The following QNG1 variants were observed in gnomAD, a reference collection of about 807,000 sequenced individuals.
The protein encoded by QNG1 is Q-nucleotide N-glycosylase 1, also known as queuosine 5'-phosphate N-glycosylase/hydrolase.
chr9:83,955,343 G>T, the QNG1 span: 1 of 1,598,778 alleles, frequency 6.3e-7, no homozygotes, highest in Non-Finnish European at 8.5e-7. Flanking sequence ...ACTCTGAGAT[G>T]ATTAAGACTT....
the QNG1 span, among the ~76,000 whole-genome samples, chr9:83,952,422 G>A: frequency 6.6e-6 from 1 of 152,064 alleles, no homozygotes; most frequent in African/African-American, 2.4e-5. Flanking sequence ...AGAACTTTGG[G>A]AGGCCAAGGT....
At chr9:83,951,341 AC>A in the QNG1 span, among the ~76,000 whole-genome samples, 1 of 152,210 alleles carries the variant, frequency 6.6e-6, no homozygotes, top group African/African-American at 2.4e-5. Context: ...CGGGTGGATC[AC>A]CTGAGGTCAG....
chr9:83,954,944 T>A, the QNG1 span, among the ~76,000 whole-genome samples: 1 of 134,158 alleles, frequency 7.5e-6, no homozygotes, highest in African/African-American at 2.8e-5. Context: ...ACGCCTGTAA[T>A]CACAACACTT....
At chr9:83,956,748 A>G in the QNG1 span, 1 of 409,158 alleles carries the variant, frequency 2.4e-6, no homozygotes, top group Non-Finnish European at 4.3e-6. Context: ...CTTCCGGGAA[A>G]GCGGTCCCGT....
chr9:83,956,451 T>C, the QNG1 span: 78 of 1,540,502 alleles, frequency 5.1e-5, no homozygotes, highest in African/African-American at 8.3e-4. Flanking sequence ...ATCCCGACTG[T>C]TTTCTGCAAT....
At chr9:83,950,996 GGTAGCTCATGCCT>G in the QNG1 span, among the ~76,000 whole-genome samples, 1 of 152,174 alleles carries the variant, frequency 6.6e-6, no homozygotes, top group South Asian at 2.1e-4. Context: ...GGCCAAGTGC[GGTAGCTCATGCCT>G]GTAATCCCAG....
At chr9:83,941,495 A>G in the QNG1 span, among the ~76,000 whole-genome samples, 1 of 151,248 alleles carries the variant, frequency 6.6e-6, no homozygotes, top group East Asian at 2.0e-4. Flanking sequence ...TGGGGCTGAG[A>G]AGGGAGGATC....
chr9:83,956,132 C>CCGTTA, the QNG1 span: 1 of 1,600,570 alleles, frequency 6.2e-7, no homozygotes, highest in Non-Finnish European at 8.5e-7. Flanking sequence ...ACCTCAAAGG[C>CCGTTA]CGTTAGGTCC....
the QNG1 span, chr9:83,956,246 G>A: frequency 6.2e-7 from 1 of 1,614,044 alleles, no homozygotes; most frequent in Non-Finnish European, 8.5e-7. Flanking sequence ...CCACACACTT[G>A]TGCTCGTCCT....
chr9:83,947,975 T>A, the QNG1 span, among the ~76,000 whole-genome samples: 10 of 135,290 alleles, frequency 7.4e-5, no homozygotes, highest in African/African-American at 3.2e-4. Flanking sequence ...TGGCCGCCCA[T>A]CGTCTGGGAT....
the QNG1 span, among the ~76,000 whole-genome samples, chr9:83,942,258 C>T: frequency 6.6e-6 from 1 of 152,184 alleles, no homozygotes; most frequent in Admixed American, 6.5e-5. Context: ...CAGAAAAAGA[C>T]ATTTAAGTGG....
chr9:83,947,076 C>T, the QNG1 span, among the ~76,000 whole-genome samples: 1 of 152,022 alleles, frequency 6.6e-6, no homozygotes, highest in African/African-American at 2.4e-5. Flanking sequence ...CAAAAAACAA[C>T]ACCCCAAAAA....
chr9:83,947,180 C>G, the QNG1 span, among the ~76,000 whole-genome samples: 1 of 152,102 alleles, frequency 6.6e-6, no homozygotes, highest in African/African-American at 2.4e-5. Flanking sequence ...ATAGTAATAA[C>G]CTTAAATAAT....
the QNG1 span, among the ~76,000 whole-genome samples, chr9:83,948,632 G>A: frequency 6.6e-6 from 1 of 152,222 alleles, no homozygotes; most frequent in East Asian, 1.9e-4. Context: ...TGATGACGAT[G>A]GCGGTTTTGT....
At chr9:83,940,368 C>A in the QNG1 span, among the ~76,000 whole-genome samples, 1 of 151,960 alleles carries the variant, frequency 6.6e-6, no homozygotes, top group South Asian at 2.1e-4. Flanking sequence ...GTGGGAGGGT[C>A]GCTTGAGTCC....
chr9:83,947,404 T>A, the QNG1 span, among the ~76,000 whole-genome samples: 1 of 152,346 alleles, frequency 6.6e-6, no homozygotes, highest in East Asian at 1.9e-4. Flanking sequence ...AGAAATAACC[T>A]AATATTGCTT....
chr9:83,943,331 C>CAAAAAAAAAA, the QNG1 span, among the ~76,000 whole-genome samples: 30 of 62,520 alleles, frequency 4.8e-4, 1 homozygote, highest in African/African-American at 1.2e-3. Context: ...CAGAGCGTCT[C>CAAAAAAAAAA]AAAAAAAAAA....
chr9:83,947,067 A>C, the QNG1 span, among the ~76,000 whole-genome samples: 1 of 152,144 alleles, frequency 6.6e-6, no homozygotes, highest in Non-Finnish European at 1.5e-5. Flanking sequence ...ACTCTATCTC[A>C]AAAAACAACA....
At chr9:83,954,041 C>T in the QNG1 span, among the ~76,000 whole-genome samples, 117 of 152,194 alleles carry the variant, frequency 7.7e-4, no homozygotes, top group African/African-American at 2.7e-3. Flanking sequence ...ACTACAGGTG[C>T]GTGCAACCAT....
Sources: gnomAD v4.1 joint callset for allele counts (sites outside exome capture counted in the v4.1 genomes callset) on GRCh38, gnomAD v4.1.1 for gene constraint, MANE v1.5 for transcripts, NCBI Gene and HGNC (gene_info 2026-07-23, HGNC 2026-07-21) for gene names.